CTNND2: variants seen among roughly 807,000 people sequenced by gnomAD.
CTNND2 encodes the protein catenin delta-2.
Under a neutral mutation model 144.4 loss-of-function variants are expected in CTNND2, and 22 were observed. That is an observed-to-expected ratio of 0.15 (90% CI 0.11 to 0.22). CTNND2 has a LOEUF of 0.22. Among genes scored for constraint, CTNND2 ranks in the 10% least tolerant of loss-of-function variants. The pLI is 1.00. For synonymous variants in CTNND2, 751 were observed against 695.6 expected (o/e 1.08, Z -1.25); for missense variants, 1,353 against 1,618.8 (o/e 0.84, Z 2.82).
chr5:11,593,752 A>G (rs1779371728), intron 2 of CTNND2, among the ~76,000 whole-genome samples: 1 of 152,122 alleles, frequency 6.6e-6, no homozygotes, highest in African/African-American at 2.4e-5. Context: ...AGTCCATTAC[A>G]CCTTTTTTCC....
intron 3 of CTNND2, among the ~76,000 whole-genome samples, chr5:11,442,938 C>T (rs1375218742): frequency 6.8e-6 from 1 of 146,062 alleles, no homozygotes; most frequent in African/African-American, 2.5e-5. Context: ...ATAATAAATA[C>T]ATATAATAAT....
intron 12 of CTNND2, among the ~76,000 whole-genome samples, chr5:11,158,127 AT>A (rs1019180626): frequency 2.6e-5 from 4 of 152,192 alleles, no homozygotes; most frequent in African/African-American, 9.6e-5. Flanking sequence ...GTCCTTATTG[AT>A]TACACTTCTA....
In CTNND2 at chr5:11,334,233, T is replaced by C. The variant is rs561002400; in HGVS notation, c.1628+12139A>G. On this transcript the variant is annotated intron_variant, in intron 9 of 21. Transcript: ENST00000304623. ...TTTCACTGCAAAGAAATCATACACG[T>C]TTGAGGTGATGGATAAGCTAAGTAA... Among the ~76,000 whole-genome samples, 7 of 152,204 alleles carry C rather than the reference T, an allele frequency of 4.6e-5. No homozygotes were observed. In the South Asian group the frequency reaches 6.2e-4, roughly 14 times the overall value.
Position 11,691,144 on chromosome 5 carries a change from G to A in CTNND2, c.174+40992C>T, listed in dbSNP as rs1006044506. 9.2e-5 allele frequency among the ~76,000 whole-genome samples: 14 copies of A among 152,278 alleles called. No homozygotes were observed. In the East Asian group the frequency reaches 2.5e-3, roughly 27 times the overall value. ...CCCAGCACTTCGGGAGGCCGAGGCG[G>A]GTGGATCACAAGGTCAGGAGATTGA... On this transcript the variant is annotated intron_variant, in intron 2 of 21. Coordinates refer to ENST00000304623, the MANE Select transcript of CTNND2 (RefSeq NM_001332.4).
chr5:11,006,823 C>T (rs71599557), intron 18 of CTNND2, among the ~76,000 whole-genome samples: 6,619 of 152,124 alleles, frequency 0.044, 209 homozygotes, highest in Non-Finnish European at 0.059. Flanking sequence ...TCTCAAACAT[C>T]GTAAGATAGA....
At chr5:11,596,036 C>A (rs917498291) in intron 2 of CTNND2, among the ~76,000 whole-genome samples, 1 of 152,166 alleles carries the variant, frequency 6.6e-6, no homozygotes, top group Non-Finnish European at 1.5e-5. Flanking sequence ...CATGCACACA[C>A]GCAAGCGCAA....
intron 1 of CTNND2, among the ~76,000 whole-genome samples, chr5:11,835,933 T>C (rs1024698672): frequency 6.6e-6 from 1 of 152,190 alleles, no homozygotes; most frequent in Non-Finnish European, 1.5e-5. Context: ...ACCTGTCCCC[T>C]TTTTTAATGC....
chr5:11,886,843 CATG>C, intron 1 of CTNND2, among the ~76,000 whole-genome samples: 1 of 152,088 alleles, frequency 6.6e-6, no homozygotes, highest in African/African-American at 2.4e-5. Flanking sequence ...AATTTCCAAA[CATG>C]ATGAAAATGC....
chr5:11,752,459 T>C (rs1160671967), intron 1 of CTNND2, among the ~76,000 whole-genome samples: 4 of 151,834 alleles, frequency 2.6e-5, no homozygotes, highest in Non-Finnish European at 5.9e-5. Flanking sequence ...TTGCTCATTG[T>C]CAGTTATGTC....
intron 3 of CTNND2, among the ~76,000 whole-genome samples, chr5:11,455,895 C>A (rs1163607422): frequency 1.3e-5 from 2 of 152,150 alleles, no homozygotes; most frequent in African/African-American, 4.8e-5. Context: ...CACAAGATTA[C>A]TTATGCTGTT....
At chr5:11,670,637 C>T (rs779312281) in intron 2 of CTNND2, among the ~76,000 whole-genome samples, 7 of 151,776 alleles carry the variant, frequency 4.6e-5, no homozygotes, top group African/African-American at 1.7e-4. Context: ...TATTTTGAAC[C>T]TTCCATCCCT....
chr5:11,377,577 A>G (rs1332394476), intron 7 of CTNND2, among the ~76,000 whole-genome samples: 1 of 152,176 alleles, frequency 6.6e-6, no homozygotes, highest in African/African-American at 2.4e-5. Flanking sequence ...ACAGAATTCT[A>G]TATAAAGATG....
At chr5:11,196,023 T>C (rs1474835539) in intron 11 of CTNND2, among the ~76,000 whole-genome samples, 1 of 152,224 alleles carries the variant, frequency 6.6e-6, no homozygotes, top group Non-Finnish European at 1.5e-5. Context: ...AACAGGGAGC[T>C]GTTTTTTTCA....
At chr5:10,992,750 C>G (rs1738840467) in intron 18 of CTNND2, 73 bp from the exon 19 acceptor site, 3 of 1,559,106 alleles carry the variant, frequency 1.9e-6, no homozygotes, top group East Asian at 4.5e-5. Context: ...TTTTTAAGTT[C>G]CAAGTATCTG....
At chr5:11,561,952 A>G (rs768709549) in intron 3 of CTNND2, among the ~76,000 whole-genome samples, 1 of 152,118 alleles carries the variant, frequency 6.6e-6, no homozygotes, top group Non-Finnish European at 1.5e-5. Flanking sequence ...AGGCTGAGGC[A>G]GGAGAATCCC....
At chr5:11,599,152 C>T (rs1425699957) in intron 2 of CTNND2, among the ~76,000 whole-genome samples, 1 of 152,088 alleles carries the variant, frequency 6.6e-6, no homozygotes, top group Non-Finnish European at 1.5e-5. Flanking sequence ...CCTACTAAGC[C>T]CCACCTTCAA....
At chr5:11,454,983 G>GA (rs2149920921) in intron 3 of CTNND2, among the ~76,000 whole-genome samples, 2 of 151,552 alleles carry the variant, frequency 1.3e-5, no homozygotes, top group East Asian at 3.9e-4. Flanking sequence ...TTAGAAAATG[G>GA]AATGCTGGCA....
At chr5:11,389,269 C>A (rs377627904) in intron 6 of CTNND2, among the ~76,000 whole-genome samples, 2 of 152,180 alleles carry the variant, frequency 1.3e-5, no homozygotes, top group South Asian at 2.1e-4. Flanking sequence ...CACAGATAAA[C>A]AACCCCATCA....
chr5:11,387,226 T>A (rs1390288618), intron 6 of CTNND2, among the ~76,000 whole-genome samples: 1 of 125,024 alleles, frequency 8.0e-6, no homozygotes, highest in Admixed American at 9.7e-5. Context: ...AGGTCCCTGA[T>A]GGTCTTTTCA....
Sources: gnomAD v4.1 joint callset for allele counts (sites outside exome capture counted in the v4.1 genomes callset) on GRCh38, gnomAD v4.1.1 for gene constraint, MANE v1.5 for transcripts, NCBI Gene and HGNC (gene_info 2026-07-23, HGNC 2026-07-21) for gene names.